EPHA6: variants seen among roughly 807,000 people sequenced by gnomAD.
The protein encoded by EPHA6 is EPH receptor A6.
Under a neutral mutation model 112.0 loss-of-function variants are expected in EPHA6, and 50 were observed. The ratio of observed to expected loss-of-function variants is 0.45; its 90% CI spans 0.36 to 0.56. EPHA6 has a LOEUF of 0.56. Among genes scored for constraint, EPHA6 ranks in the 20% least tolerant of loss-of-function variants. The probability of loss-of-function intolerance (pLI) is 0.00; values close to 1 mark genes in which losing one functional copy is unlikely to be tolerated. For synonymous variants in EPHA6, 529 were observed against 490.7 expected, an observed-to-expected ratio of 1.08 and a Z score of -1.03; for missense variants, 1,280 against 1,417.4, an observed-to-expected ratio of 0.90 and a Z score of 1.56.
chr3:97,244,261 C>T lies in EPHA6; in HGVS notation c.1580C>T (p.Ala527Val). 1 of 1,613,204 alleles carries T rather than the reference C, an allele frequency of 6.2e-7. No homozygotes were observed. The highest frequency in any genetic ancestry group is 8.5e-7 in the Non-Finnish European group (1 of 1,179,408). The change falls in exon 5 of 18, where the codon GCT (alanine) becomes GTT (valine). Residue 527 changes from alanine (A) to valine (V), a missense_variant. Coordinates refer to ENST00000389672, the MANE Select transcript of EPHA6 (RefSeq NM_001080448.3). ...ELSFSPKPFTAITVTTDQDAP... is the reference protein window; with the variant it reads ...ELSFSPKPFTVITVTTDQDAP... Reference sequence around the variant, plus strand: ...AGTTTTTCTCCCAAGCCATTCACAGCTATTACAGTGACCACGGATCAAGAT... The same window carrying T: ...AGTTTTTCTCCCAAGCCATTCACAGTTATTACAGTGACCACGGATCAAGAT...
At chr3:97,611,565 A>G (rs989091497) in intron 13 of EPHA6, among the ~76,000 whole-genome samples, 2 of 151,906 alleles carry the variant, frequency 1.3e-5, no homozygotes, top group Non-Finnish European at 2.9e-5. Flanking sequence ...ATATTCATTG[A>G]TAGTGAAAAA....
intron 3 of EPHA6, among the ~76,000 whole-genome samples, chr3:97,174,977 A>G (rs561750935): frequency 6.6e-6 from 1 of 152,000 alleles, no homozygotes; most frequent in East Asian, 1.9e-4. Flanking sequence ...TGCCCAGACC[A>G]ATATCCTGGA....
intron 2 of EPHA6, among the ~76,000 whole-genome samples, chr3:96,953,887 T>C: frequency 6.6e-6 from 1 of 152,098 alleles, no homozygotes; most frequent in East Asian, 1.9e-4. Flanking sequence ...CTTTTTTTTT[T>C]TTTGAGACAT....
chr3:97,033,852 C>A (rs1300672460), intron 3 of EPHA6, among the ~76,000 whole-genome samples: 2 of 151,836 alleles, frequency 1.3e-5, no homozygotes, highest in African/African-American at 4.8e-5. Context: ...AATTATAATA[C>A]CTCTTTTGTC....
intron 6 of EPHA6, among the ~76,000 whole-genome samples, chr3:97,405,799 C>A (rs1463766474): frequency 6.6e-6 from 1 of 151,992 alleles, no homozygotes; most frequent in Non-Finnish European, 1.5e-5. Context: ...TATAAGCTAG[C>A]AAGATAAATT....
intron 14 of EPHA6, among the ~76,000 whole-genome samples, chr3:97,683,724 G>A (rs542105117): frequency 9.9e-4 from 151 of 152,138 alleles, no homozygotes; most frequent in African/African-American, 3.1e-3. Context: ...CAAGGCCCAC[G>A]TACTTCTTTC....
At chr3:97,065,850 TA>T (rs1032979103) in intron 3 of EPHA6, among the ~76,000 whole-genome samples, 5 of 152,018 alleles carry the variant, frequency 3.3e-5, no homozygotes, top group African/African-American at 1.2e-4. Context: ...GTTTAATTTT[TA>T]AAGAAATATT....
chr3:96,899,479 T>A (rs914200425), intron 2 of EPHA6, among the ~76,000 whole-genome samples: 12 of 152,234 alleles, frequency 7.9e-5, no homozygotes, highest in Non-Finnish European at 1.5e-4. Flanking sequence ...ATATAAAATT[T>A]CTACTTTTGA....
intron 14 of EPHA6, 121 bp downstream of exon 14, chr3:97,638,203 A>G: frequency 1.4e-6 from 1 of 700,610 alleles, no homozygotes; most frequent in Non-Finnish European, 2.3e-6. Context: ...TGCTAATTTG[A>G]TATCATTATT....
At chr3:97,064,581 T>C (rs2046121847) in intron 3 of EPHA6, among the ~76,000 whole-genome samples, 1 of 152,190 alleles carries the variant, frequency 6.6e-6, no homozygotes. Flanking sequence ...ATGTCAATAA[T>C]ATCCATTTCT....
chr3:96,937,735 T>C (rs2040678488), intron 2 of EPHA6, among the ~76,000 whole-genome samples: 1 of 152,120 alleles, frequency 6.6e-6, no homozygotes, highest in African/African-American at 2.4e-5. Flanking sequence ...GTTTTTATGG[T>C]TTTAGGTCTA....
At chr3:97,351,959 T>C (rs1337913629) in intron 5 of EPHA6, among the ~76,000 whole-genome samples, 1 of 152,116 alleles carries the variant, frequency 6.6e-6, no homozygotes, top group African/African-American at 2.4e-5. Flanking sequence ...CCATTATTAC[T>C]GGAACCATGT....
chr3:97,736,447 TAG>T (rs3064321), intron 16 of EPHA6, among the ~76,000 whole-genome samples: 8,275 of 130,724 alleles, frequency 0.063, 265 homozygotes, highest in African/African-American at 0.094. Flanking sequence ...CCTTTAGAAG[TAG>T]AGAGAGAGAG....
At chr3:96,856,719 A>G (rs972934066) in intron 1 of EPHA6, among the ~76,000 whole-genome samples, 2 of 152,124 alleles carry the variant, frequency 1.3e-5, no homozygotes, top group African/African-American at 2.4e-5. Flanking sequence ...GTGGAAATAG[A>G]TCTAGAGGAT....
At chr3:97,073,441 C>G (rs1022811097) in intron 3 of EPHA6, among the ~76,000 whole-genome samples, 8 of 152,058 alleles carry the variant, frequency 5.3e-5, no homozygotes, top group Non-Finnish European at 1.2e-4. Context: ...AAAGAAAATT[C>G]AGAGATTTTG....
intron 3 of EPHA6, among the ~76,000 whole-genome samples, chr3:97,045,941 G>T (rs2856476): frequency 6.6e-6 from 1 of 152,022 alleles, no homozygotes; most frequent in Non-Finnish European, 1.5e-5. Context: ...AAATATTGAA[G>T]ATTTGAAATC....
At chr3:97,091,621 G>A (rs965697510) in intron 3 of EPHA6, among the ~76,000 whole-genome samples, 5 of 151,970 alleles carry the variant, frequency 3.3e-5, no homozygotes, top group Non-Finnish European at 7.4e-5. Context: ...TAAACCTTCT[G>A]TTTTCTATTC....
chr3:96,910,270 C>T (rs2039149581), intron 2 of EPHA6, among the ~76,000 whole-genome samples: 1 of 151,898 alleles, frequency 6.6e-6, no homozygotes, highest in Non-Finnish European at 1.5e-5. Context: ...AGTCTTGATC[C>T]CTTTCTACCA....
At chr3:97,307,749 A>T (rs7615379) in intron 5 of EPHA6, among the ~76,000 whole-genome samples, 19,401 of 151,162 alleles carry the variant, frequency 0.13, 2,126 homozygotes, top group African/African-American at 0.27. Context: ...GACAAAAAAA[A>T]ATATATATAT....
Sources: allele counts gnomAD v4.1 joint callset (sites outside exome capture counted in the v4.1 genomes callset), GRCh38; gene constraint gnomAD v4.1.1; transcripts MANE v1.5; gene names NCBI Gene and HGNC (gene_info 2026-07-23, HGNC 2026-07-21).